Variants in IL17RC observed in about 807,000 individuals in gnomAD.
IL17RC encodes interleukin-17 receptor C.
IL17RC carries 53 observed loss-of-function variants against 86.7 expected under a neutral mutation model. That is an observed-to-expected ratio of 0.61 (90% CI 0.49 to 0.77). The LOEUF is 0.77. IL17RC is among the 30% of genes least tolerant of loss of function. The pLI is 0.00. For synonymous variants in IL17RC, 439 were observed against 413.1 expected (o/e 1.06, Z -0.76); for missense variants, 957 against 940.0 (o/e 1.02, Z -0.24).
chr3:9,923,877 C>T lies in IL17RC; in HGVS notation c.623-4C>T, dbSNP rs375523917. The T allele has an allele frequency of 4.3e-6, 7 of 1,613,778 alleles. No homozygotes were observed. Among genetic ancestry groups the T allele is most frequent in the Non-Finnish European group, 5.9e-6 (7 of 1,179,940 alleles). ...AGCTGCGCTCTCTTTGCCTCTCCCA[C>T]CAGCCCTGCCCTGGCTCAACGTGTC... is the stretch of plus-strand genomic sequence containing the variant. On this transcript the variant is annotated splice_polypyrimidine_tract_variant and splice_region_variant and intron_variant, in intron 7 of 18. Coordinates refer to ENST00000403601, the MANE Select transcript of IL17RC (RefSeq NM_153460.4).
At chr3:9,920,707 T>A in intron 6 of IL17RC, 105 bp downstream of exon 6, 1 of 846,186 alleles carries the variant, frequency 1.2e-6, no homozygotes, top group Non-Finnish European at 2.0e-6. Flanking sequence ...GGCAGGGGTC[T>A]GAGCTGCTAT....
Position 9,921,083 on chromosome 3 carries a change from TATTCATTCATTC to T in IL17RC, c.622+130_622+141del, listed in dbSNP as rs34198416. On this transcript the variant is annotated intron_variant, in intron 7 of 18. Coordinates refer to ENST00000403601, the MANE Select transcript of IL17RC (RefSeq NM_153460.4). ...CCACATCTCAGAAGCTCACAGAACA[TATTCATTCATTC>T]ATTCATTCATTCATTTGTTCATAAC... The T allele has an allele frequency of 1.9e-5, 11 of 573,414 alleles. 1 individual carries two copies. The highest frequency in any genetic ancestry group is 1.4e-4 in the South Asian group (6 of 42,204). The allele number at this position is 573,414 out of a possible 1,614,324, so 35.5% of individuals were successfully genotyped here.
At chr3:9,932,221 TTTTTGTTTTG>T (rs908733748) in intron 16 of IL17RC, among the ~76,000 whole-genome samples, 3 of 151,988 alleles carry the variant, frequency 2.0e-5, no homozygotes, top group African/African-American at 2.4e-5. Context: ...ATTTCTTCGT[TTTTTGTTTTG>T]TTTTGTTTTG....
chr3:9,928,125 C>A, intron 9 of IL17RC, 41 bp from the exon 10 acceptor site: 4 of 1,597,844 alleles, frequency 2.5e-6, no homozygotes, highest in South Asian at 1.1e-5. Flanking sequence ...CAGGCACATG[C>A]CCATGGAGGG....
intron 5 of IL17RC, among the ~76,000 whole-genome samples, chr3:9,919,480 TA>T (rs201079801): frequency 0.022 from 3,412 of 151,822 alleles, 122 homozygotes; most frequent in African/African-American, 0.078. Flanking sequence ...CTGCCTCCAC[TA>T]AAAAAATACA....
At chr3:9,929,742 G>A in intron 12 of IL17RC, 110 bp from the exon 13 acceptor site, 1 of 1,100,368 alleles carries the variant, frequency 9.1e-7, no homozygotes, top group Non-Finnish European at 1.4e-6. Flanking sequence ...AGGTCAGATT[G>A]AGTGCAGATT....
intron 7 of IL17RC, among the ~76,000 whole-genome samples, 178 bp downstream of exon 7, chr3:9,921,147 C>T (rs2083510855): frequency 6.6e-6 from 1 of 152,168 alleles, no homozygotes; most frequent in South Asian, 2.1e-4. Context: ...CTGTGCTAAG[C>T]ACTGGAAATA....
chr3:9,929,647 G>T, intron 12 of IL17RC: 1 of 654,018 alleles, frequency 1.5e-6, no homozygotes, highest in East Asian at 2.6e-5. Context: ...GTCAGAAGAC[G>T]CTTTATACAG....
chr3:9,929,960 G>A, intron 13 of IL17RC, 63 bp downstream of exon 13: 3 of 1,613,722 alleles, frequency 1.9e-6, no homozygotes, highest in Non-Finnish European at 2.5e-6. Context: ...TCAGGGCATG[G>A]GAGGCAGGCA....
In IL17RC at chr3:9,930,104, C is replaced by G; in HGVS notation, c.1233C>G (p.Ala411=). The change falls in exon 14 of 19, where the codon GCC becomes GCG. Residue 411 remains alanine, a synonymous_variant. Coordinates refer to ENST00000403601, the MANE Select transcript of IL17RC (RefSeq NM_153460.4). This position sits in a 1 kb window ranked among gnomAD's most constrained non-coding sequence, Gnocchi z 5.8. ...CCCAGGACAACAGATCCCTCTGTGC[C>G]TTGGAACCCAGTGGCTGTACTTCAC... is the stretch of plus-strand genomic sequence containing the variant. The part of the protein sequence containing the change: ...RGPQDNRSLC[A]LEPSGCTSLP... 1.2e-6 allele frequency: 2 copies of G among 1,614,144 alleles called. No individual in the cohort carries two copies. The highest frequency in any genetic ancestry group is 1.7e-6 in the Non-Finnish European group (2 of 1,180,018).
Position 9,928,231 on chromosome 3 carries a change from C to G in IL17RC, c.877+11C>G, listed in dbSNP as rs200861273. 8 of 1,590,762 alleles carry G rather than the reference C, an allele frequency of 5.0e-6. No homozygotes were observed. Among genetic ancestry groups the G allele is most frequent in the Non-Finnish European group, 6.8e-6 (8 of 1,175,832 alleles). On this transcript the variant is annotated intron_variant, in intron 10 of 18. Coordinates refer to ENST00000403601, the MANE Select transcript of IL17RC (RefSeq NM_153460.4). ...GCCCCTTCAGGGAGGGTGAGCCGACCGGCCTGGGGCTGGGGTTGGGGTGTT... is the reference window on the plus strand; with the variant it reads ...GCCCCTTCAGGGAGGGTGAGCCGACGGGCCTGGGGCTGGGGTTGGGGTGTT...
intron 4 of IL17RC, 24 bp from the exon 5 acceptor site, chr3:9,918,476 T>C: frequency 6.2e-7 from 1 of 1,610,986 alleles, no homozygotes; most frequent in East Asian, 2.2e-5. Flanking sequence ...TGGGCCTGAC[T>C]GACCCCTGCC....
intron 9 of IL17RC, among the ~76,000 whole-genome samples, chr3:9,927,056 C>G (rs1468398025): frequency 2.0e-5 from 3 of 152,208 alleles, no homozygotes; most frequent in African/African-American, 7.2e-5. Flanking sequence ...GCTTCATTGC[C>G]AAACACAGTG....
At chr3:9,920,418 C>T (rs2083443763) in intron 5 of IL17RC, 73 bp from the exon 6 acceptor site, 1 of 859,764 alleles carries the variant, frequency 1.2e-6, no homozygotes, top group Admixed American at 2.0e-5. Context: ...GTGGTCCCTG[C>T]AGATGATCCC....
intron 7 of IL17RC, among the ~76,000 whole-genome samples, chr3:9,923,678 C>G (rs1345786980): frequency 1.3e-5 from 2 of 152,118 alleles, no homozygotes; most frequent in African/African-American, 4.8e-5. Flanking sequence ...GAGAATAGCT[C>G]TTCTCCGACC....
At position 9,918,390 on chromosome 3, in the gene IL17RC, G is replaced by A. The variant is rs1157647984; in HGVS notation, c.336G>A (p.Gly112=). 6.2e-7 allele frequency: 1 copy of A among 1,611,088 alleles called. No homozygotes were observed. The highest frequency in any genetic ancestry group is 1.3e-5 in the African/African-American group (1 of 74,982). Residue 112 remains glycine, a synonymous_variant, in exon 4 of 19, where the codon GGG becomes GGA. Coordinates refer to ENST00000403601, the MANE Select transcript of IL17RC (RefSeq NM_153460.4). ...EEKFGGAADS[G]VEEPRNASLQ... ...AGTTTGGAGGAGCAGCTGACTCAGG[G>A]GTGGAGGAGCCTAGGAATGGTGAGG... is the stretch of plus-strand genomic sequence containing the variant.
intron 16 of IL17RC, among the ~76,000 whole-genome samples, chr3:9,932,152 CAGAT>C (rs1459992703): frequency 2.6e-5 from 4 of 152,198 alleles, no homozygotes; most frequent in African/African-American, 9.7e-5. Flanking sequence ...GACCCCTAAA[CAGAT>C]GGAGCTATAT....
In IL17RC at chr3:9,933,253, C is replaced by T; in HGVS notation, c.1823C>T (p.Ala608Val). 6.2e-7 allele frequency: 1 copy of T among 1,604,198 alleles called. No homozygotes were observed. Among genetic ancestry groups the T allele is most frequent in the Non-Finnish European group, 8.5e-7 (1 of 1,175,872 alleles). The change falls in exon 19 of 19, where the codon GCC becomes GTC. Residue 608 changes from alanine to valine, a missense_variant. Coordinates refer to ENST00000403601, the MANE Select transcript of IL17RC (RefSeq NM_153460.4). ...SGPGAHGPHDAFRASLSCVLP... is the reference protein window; with the variant it reads ...SGPGAHGPHDVFRASLSCVLP... ...CCCGGGGCGCACGGCCCGCACGACGCCTTCCGCGCCTCGCTCAGCTGCGTG... is the reference window on the plus strand; with the variant it reads ...CCCGGGGCGCACGGCCCGCACGACGTCTTCCGCGCCTCGCTCAGCTGCGTG...
Position 9,928,297 on chromosome 3 carries a change from C to T in IL17RC, c.878-8C>T, listed in dbSNP as rs375994260. 1.9e-6 allele frequency: 3 copies of T among 1,610,216 alleles called. No homozygotes were observed. The highest frequency in any genetic ancestry group is 2.5e-6 in the Non-Finnish European group (3 of 1,177,426). On this transcript the variant is annotated splice_polypyrimidine_tract_variant and splice_region_variant and intron_variant, in intron 10 of 18. Transcript: ENST00000403601. ...CTGGCCTGCGGTGACTGTGCCCTTTCCTTGCAGACCCCCGCGCACACCAGA... is the reference window on the plus strand; with the variant it reads ...CTGGCCTGCGGTGACTGTGCCCTTTTCTTGCAGACCCCCGCGCACACCAGA...
Sources: allele counts gnomAD v4.1 joint callset (sites outside exome capture counted in the v4.1 genomes callset), GRCh38; gene constraint gnomAD v4.1.1; non-coding constraint Gnocchi (gnomAD v3.1); transcripts MANE v1.5; gene names NCBI Gene and HGNC (gene_info 2026-07-23, HGNC 2026-07-21).